The following ARL15 variants were observed in gnomAD, a reference collection of about 807,000 sequenced individuals.
ARL15 encodes ADP-ribosylation factor-like protein 15.
A neutral mutation model predicts 25.2 loss-of-function variants in ARL15; 19 were observed. That is an observed-to-expected ratio of 0.75 (90% CI 0.53 to 1.10). The LOEUF (loss-of-function observed/expected upper bound fraction) is 1.10. Ranked by LOEUF, ARL15 falls within the 50% of genes least tolerant of loss-of-function variation. ARL15 has a pLI of 0.00. For synonymous variants in ARL15, 94 were observed against 86.8 expected, an observed-to-expected ratio of 1.08 and a Z score of -0.46; for missense variants, 220 against 246.0, an observed-to-expected ratio of 0.89 and a Z score of 0.71.
At chr5:53,906,657 TG>T (rs1293958144) in intron 4 of ARL15, among the ~76,000 whole-genome samples, 1 of 152,212 alleles carries the variant, frequency 6.6e-6, no homozygotes, top group East Asian at 1.9e-4. Context: ...GTTCCCTAAA[TG>T]AGCAAATCAC....
chr5:54,020,791 T>TTAA (rs1554034562), intron 4 of ARL15, among the ~76,000 whole-genome samples: 8 of 147,830 alleles, frequency 5.4e-5, no homozygotes, highest in Non-Finnish European at 7.5e-5. Flanking sequence ...TAATAAAAAT[T>TTAA]AAAAGAAAAA....
chr5:54,303,412 T>C (rs1758662633), intron 1 of ARL15, among the ~76,000 whole-genome samples: 1 of 151,742 alleles, frequency 6.6e-6, no homozygotes, highest in African/African-American at 2.4e-5. Flanking sequence ...TCAGGAGGCT[T>C]AGGTGGGATA....
At chr5:54,157,926 T>C (rs1754290940) in intron 2 of ARL15, among the ~76,000 whole-genome samples, 1 of 152,200 alleles carries the variant, frequency 6.6e-6, no homozygotes, top group Admixed American at 6.5e-5. Context: ...TAAGAAAATG[T>C]ACTATTTACA....
intron 3 of ARL15, among the ~76,000 whole-genome samples, chr5:54,130,147 A>G (rs1753387116): frequency 6.6e-6 from 1 of 152,218 alleles, no homozygotes; most frequent in Non-Finnish European, 1.5e-5. Context: ...CTGAAGCAAA[A>G]GAATTGCTTG....
chr5:54,245,753 A>G (rs1387760424), intron 1 of ARL15, among the ~76,000 whole-genome samples: 2 of 152,058 alleles, frequency 1.3e-5, no homozygotes, highest in East Asian at 3.9e-4. Flanking sequence ...ATGCCCAGCT[A>G]ATTTTTGTAT....
intron 4 of ARL15, among the ~76,000 whole-genome samples, chr5:54,043,322 T>C (rs1041863461): frequency 6.6e-6 from 1 of 152,172 alleles, no homozygotes; most frequent in African/African-American, 2.4e-5. Flanking sequence ...ATCTCCACAC[T>C]TTGCACAGTG....
intron 1 of ARL15, among the ~76,000 whole-genome samples, chr5:54,225,014 T>A (rs1419157787): frequency 6.6e-6 from 1 of 152,214 alleles, no homozygotes; most frequent in Non-Finnish European, 1.5e-5. Context: ...AATAGTTACA[T>A]AGGTGAATTC....
intron 1 of ARL15, among the ~76,000 whole-genome samples, chr5:54,207,087 G>C (rs920038295): frequency 1.3e-5 from 2 of 152,214 alleles, no homozygotes; most frequent in Non-Finnish European, 2.9e-5. Flanking sequence ...CTCTAGCAGA[G>C]AGGAGTCTTG....
intron 3 of ARL15, among the ~76,000 whole-genome samples, chr5:54,122,821 C>G (rs1753124731): frequency 6.6e-6 from 1 of 152,164 alleles, no homozygotes; most frequent in Non-Finnish European, 1.5e-5. Flanking sequence ...AGCCTTTTCA[C>G]AGCTTTTGCT....
At chr5:54,251,888 C>T (rs1424687035) in intron 1 of ARL15, among the ~76,000 whole-genome samples, 1 of 152,246 alleles carries the variant, frequency 6.6e-6, no homozygotes, top group Non-Finnish European at 1.5e-5. Flanking sequence ...ACATCAGAAT[C>T]CCTGGGGTAA....
At chr5:53,912,691 A>G (rs1308701992) in intron 4 of ARL15, among the ~76,000 whole-genome samples, 2 of 152,330 alleles carry the variant, frequency 1.3e-5, no homozygotes, top group East Asian at 3.9e-4. Context: ...CTTCCCACAT[A>G]TCATGTGAGG....
chr5:53,953,091 A>G (rs1355166986), intron 4 of ARL15, among the ~76,000 whole-genome samples: 1 of 152,178 alleles, frequency 6.6e-6, no homozygotes. Flanking sequence ...ACAATGACAC[A>G]ATGTTTATAA....
chr5:53,954,006 C>T (rs185073772), intron 4 of ARL15, among the ~76,000 whole-genome samples: 20 of 151,514 alleles, frequency 1.3e-4, no homozygotes, highest in African/African-American at 4.6e-4. Context: ...TTTTCAAAAC[C>T]TGAGATTATT....
chr5:53,889,965 A>G (rs767039952), intron 4 of ARL15, among the ~76,000 whole-genome samples: 9 of 151,954 alleles, frequency 5.9e-5, no homozygotes, highest in Non-Finnish European at 1.0e-4. Flanking sequence ...GATGCCTGCC[A>G]CCAGGCCCAG....
At position 53,884,656 on chromosome 5, in the gene ARL15, A is replaced by G. The variant is rs1297660680; in HGVS notation, c.*1905T>C. Reference sequence around the variant, plus strand: ...TCGTGGGTTTGAGGAGAGGCCCATCACTGGCGCACACATGAACACACACAC... The same window carrying G: ...TCGTGGGTTTGAGGAGAGGCCCATCGCTGGCGCACACATGAACACACACAC... On this transcript the variant is annotated 3_prime_UTR_variant, in exon 5 of 5. Transcript: ENST00000504924. The G allele has an allele frequency of 6.6e-6, 1 of 152,088 alleles. No individual in the cohort carries two copies. Among genetic ancestry groups the G allele is most frequent in the East Asian group, 1.9e-4 (1 of 5,184 alleles). 9.4% of individuals were successfully genotyped at this position (152,088 alleles called of 1,614,324 possible).
At chr5:53,888,840 G>A (rs954057905) in intron 4 of ARL15, among the ~76,000 whole-genome samples, 1 of 152,088 alleles carries the variant, frequency 6.6e-6, no homozygotes, top group African/African-American at 2.4e-5. Context: ...AAGGAGGTGG[G>A]GGCTGCTCCA....
intron 4 of ARL15, among the ~76,000 whole-genome samples, chr5:53,939,292 C>T (rs1202621331): frequency 6.6e-6 from 1 of 152,106 alleles, no homozygotes; most frequent in Non-Finnish European, 1.5e-5. Context: ...CTGTCTCTTC[C>T]CCTAGTCTTA....
intron 4 of ARL15, among the ~76,000 whole-genome samples, chr5:53,909,310 G>A (rs1348203288): frequency 6.6e-6 from 1 of 152,128 alleles, no homozygotes; most frequent in Middle Eastern, 3.2e-3. Flanking sequence ...GGATTAAAGA[G>A]GGAAAAGATT....
intron 1 of ARL15, among the ~76,000 whole-genome samples, chr5:54,209,314 T>TG (rs1755966766): frequency 7.0e-6 from 1 of 143,500 alleles, no homozygotes; most frequent in African/African-American, 2.7e-5. Context: ...AGAATGATGG[T>TG]GGTAAATATA....
Sources: gnomAD v4.1 joint callset for allele counts (sites outside exome capture counted in the v4.1 genomes callset) on GRCh38, gnomAD v4.1.1 for gene constraint, MANE v1.5 for transcripts, NCBI Gene and HGNC (gene_info 2026-07-23, HGNC 2026-07-21) for gene names.